NR2F1: variants seen among roughly 807,000 people sequenced by gnomAD.
The protein encoded by NR2F1 is nuclear receptor subfamily 2 group F member 1.
NR2F1 carries 1 observed loss-of-function variant against 37.7 expected under a neutral mutation model. The observed-to-expected ratio is 0.03, with a 90% CI of 0.01 to 0.13. NR2F1 has a LOEUF of 0.13. NR2F1 is among the 10% of genes least tolerant of loss of function. The probability of loss-of-function intolerance (pLI) is 1.00; values close to 1 mark genes in which losing one functional copy is unlikely to be tolerated. For missense variants in NR2F1, 268 were observed against 578.4 expected, an observed-to-expected ratio of 0.46 and a Z score of 5.50; for synonymous variants, 275 against 259.6, an observed-to-expected ratio of 1.06 and a Z score of -0.57.
intron 2 of NR2F1, among the ~76,000 whole-genome samples, chr5:93,588,689 G>GCCTAGTCGCCCGGA (rs1391459472): frequency 6.6e-6 from 1 of 151,280 alleles, no homozygotes; most frequent in Non-Finnish European, 1.5e-5. Flanking sequence ...GGGCGGCCGG[G>GCCTAGTCGCCCGGA]CCTAGTCGCC....
chr5:93,588,803 G>A (rs1561525380), intron 2 of NR2F1, among the ~76,000 whole-genome samples: 3 of 151,780 alleles, frequency 2.0e-5, no homozygotes, highest in Admixed American at 6.5e-5. Flanking sequence ...GTGTGTGTGT[G>A]TGTGTGTGTC....
chr5:93,586,813 A>G (rs1294068034), intron 1 of NR2F1, among the ~76,000 whole-genome samples: 1 of 152,196 alleles, frequency 6.6e-6, no homozygotes, highest in Non-Finnish European at 1.5e-5. Flanking sequence ...TATTCTAGGC[A>G]TTATGTTTCA....
intron 2 of NR2F1, among the ~76,000 whole-genome samples, chr5:93,589,306 A>T (rs951315141): frequency 1.3e-5 from 2 of 152,248 alleles, no homozygotes; most frequent in Non-Finnish European, 2.9e-5. Flanking sequence ...GTTCAAATTA[A>T]CTTCCAGAAA....
intron 1 of NR2F1, among the ~76,000 whole-genome samples, chr5:93,586,223 AT>A (rs909937296): frequency 2.6e-5 from 4 of 151,884 alleles, no homozygotes; most frequent in South Asian, 2.1e-4. Flanking sequence ...TAGTTGTGTC[AT>A]TTTTTTTAAA....
rs1753263502 is a variant in NR2F1, at chr5:93,588,098, C to G, written c.645C>G (p.Gly215=). ...GCATGCAGCCCAACAACATTATGGG[C>G]ATCGAGAACATCTGCGAGCTGGCCG... ...SQCMQPNNIM[G]IENICELAAR... The change falls in exon 2 of 3, where the codon GGC becomes GGG. Residue 215 remains glycine, a synonymous_variant. Coordinates refer to ENST00000327111, the MANE Select transcript of NR2F1 (RefSeq NM_005654.6). 6.2e-7 allele frequency: 1 copy of G among 1,614,064 alleles called. No homozygotes were observed. Among genetic ancestry groups the G allele is most frequent in the Non-Finnish European group, 8.5e-7 (1 of 1,180,042 alleles).
In NR2F1 at chr5:93,584,014, T is replaced by G. The variant is rs1753176334; in HGVS notation, c.-1010T>G. 1.3e-5 allele frequency: 2 copies of G among 151,686 alleles called. No individual in the cohort carries two copies. The highest frequency in any genetic ancestry group is 4.2e-4 in the South Asian group (2 of 4,798). The allele number at this position is 151,686 out of a possible 1,614,324, so 9.4% of individuals were successfully genotyped here. ...CTGCCTCCCGCTCTCCAGCGCTGCC[T>G]TCCTGAATGGCTGGCTGCGTCCGGC... On this transcript the variant is annotated 5_prime_UTR_variant, in exon 1 of 3. Coordinates refer to ENST00000327111, the MANE Select transcript of NR2F1 (RefSeq NM_005654.6).
At chr5:93,590,344 A>T (rs1561525939) in intron 2 of NR2F1, among the ~76,000 whole-genome samples, 1 of 152,028 alleles carries the variant, frequency 6.6e-6, no homozygotes, top group Non-Finnish European at 1.5e-5. Context: ...TGCTAATCTC[A>T]TGCCCTTTCC....
chr5:93,586,458 C>CA (rs1753236131), intron 1 of NR2F1, among the ~76,000 whole-genome samples: 1 of 151,966 alleles, frequency 6.6e-6, no homozygotes, highest in Non-Finnish European at 1.5e-5. Context: ...GCTTCATGTT[C>CA]ATGTGGCAAG....
chr5:93,587,531 G>A lies in NR2F1; in HGVS notation c.464-386G>A, dbSNP rs140300181. 544 of 196,374 alleles carry A rather than the reference G, an allele frequency of 2.8e-3. 3 individuals are homozygous for A. The highest frequency in any genetic ancestry group is 1.8e-3 in the Non-Finnish European group (175 of 98,644). 12.2% of individuals were successfully genotyped at this position (196,374 alleles called of 1,614,324 possible). A position where few individuals can be genotyped will look rare whatever the true frequency, so the allele number is the denominator to read the frequency against. Reference sequence around the variant, plus strand: ...AGAACCACAACCTTTCTCCGGTTTCGCCTTTTTTTAACCCTGATTTTTTTT... The same window carrying A: ...AGAACCACAACCTTTCTCCGGTTTCACCTTTTTTTAACCCTGATTTTTTTT... On this transcript the variant is annotated intron_variant, in intron 1 of 2. Coordinates refer to ENST00000327111, the MANE Select transcript of NR2F1 (RefSeq NM_005654.6).
Position 93,588,230 on chromosome 5 carries a change from G to A in NR2F1, c.777G>A (p.Leu259=). Residue 259 remains leucine, a synonymous_variant, in exon 2 of 3, where the codon CTG becomes CTA. Transcript: ENST00000327111. ...VSLLRLTWSE[L]FVLNAAQCSM... ...TGCTACGCCTCACCTGGAGCGAGCT[G>A]TTCGTGCTCAACGCGGCCCAGTGCT... 6.2e-7 allele frequency: 1 copy of A among 1,613,974 alleles called. No individual in the cohort carries two copies. Among genetic ancestry groups the A allele is most frequent in the Non-Finnish European group, 8.5e-7 (1 of 1,179,992 alleles).
At position 93,587,803 on chromosome 5, in the gene NR2F1, G is replaced by A. The variant is rs1251053091; in HGVS notation, c.464-114G>A. On this transcript the variant is annotated intron_variant, in intron 1 of 2. Transcript: ENST00000327111. ...AGAGCGAGCCGGAGAAGATGCGCGG[G>A]GCGCGTGTGGCTGCGGGAAGAGCTT... is the stretch of plus-strand genomic sequence containing the variant. 3.6e-6 allele frequency: 4 copies of A among 1,125,570 alleles called. No individual in the cohort carries two copies. The African/African-American group carries it at 4.7e-5, about 13-fold the overall frequency. 69.7% of individuals were successfully genotyped at this position (1,125,570 alleles called of 1,614,324 possible). A position where few individuals can be genotyped will look rare whatever the true frequency, so the allele number is the denominator to read the frequency against.
intron 1 of NR2F1, 108 bp from the exon 2 acceptor site, chr5:93,587,809 T>C: frequency 8.3e-7 from 1 of 1,200,960 alleles, no homozygotes; most frequent in Non-Finnish European, 1.2e-6. Context: ...GCGGGGCGCG[T>C]GTGGCTGCGG....
intron 2 of NR2F1, among the ~76,000 whole-genome samples, chr5:93,590,323 C>T (rs1580361610): frequency 6.6e-6 from 1 of 152,166 alleles, no homozygotes; most frequent in South Asian, 2.1e-4. Context: ...TTCTTTGAAC[C>T]CCCTTGACTT....
chr5:93,591,043 A>G (rs749254695), intron 2 of NR2F1, among the ~76,000 whole-genome samples: 8 of 152,220 alleles, frequency 5.3e-5, no homozygotes, highest in Non-Finnish European at 8.8e-5. Flanking sequence ...GATTACATCT[A>G]TATTTCCTGA....
At chr5:93,588,621 C>T (rs1183245374) in intron 2 of NR2F1, among the ~76,000 whole-genome samples, 177 bp downstream of exon 2, 2 of 149,770 alleles carry the variant, frequency 1.3e-5, no homozygotes, top group South Asian at 4.1e-4. Flanking sequence ...CTGGCCGCGC[C>T]GCTGCCATCT....
Position 93,593,782 on chromosome 5 carries a change from C to G in NR2F1, c.1212C>G (p.Arg404=). Residue 404 remains arginine (R), a synonymous_variant, in exon 3 of 3, where the codon CGC becomes CGG. Transcript: ENST00000327111. The surrounding 1 kb of genome is among the most constrained non-coding windows in gnomAD (Gnocchi z 5.6). Reference sequence around the variant, plus strand: ...AAACCCCCATCGAAACTCTCATCCGCGATATGTTACTGTCTGGGAGCAGCT... The same window carrying G: ...AAACCCCCATCGAAACTCTCATCCGGGATATGTTACTGTCTGGGAGCAGCT... ...VGKTPIETLI[R]DMLLSGSSFN... is the part of the protein sequence containing the mutation. The G allele has an allele frequency of 6.2e-7, 1 of 1,614,176 alleles. No individual in the cohort carries two copies. Among genetic ancestry groups the G allele is most frequent in the Non-Finnish European group, 8.5e-7 (1 of 1,180,036 alleles).
Position 93,584,620 on chromosome 5 carries a change from G to C in NR2F1, c.-404G>C, listed in dbSNP as rs745337451. 7 of 148,758 alleles carry C rather than the reference G, an allele frequency of 4.7e-5. No individual in the cohort carries two copies. Among genetic ancestry groups the C allele is most frequent in the South Asian group, 2.1e-4 (1 of 4,820 alleles). The allele number at this position is 148,758 out of a possible 1,614,324, so 9.2% of individuals were successfully genotyped here. A position where few individuals can be genotyped will look rare whatever the true frequency, so the allele number is the denominator to read the frequency against. On this transcript the variant is annotated 5_prime_UTR_variant, in exon 1 of 3. Coordinates refer to ENST00000327111, the MANE Select transcript of NR2F1 (RefSeq NM_005654.6). ...GCGAGAGAAGGGAGCTTGCTCGCCGGGGGGTGGGGAGGGGGGAAGGAGAGC... is the reference window on the plus strand; with the variant it reads ...GCGAGAGAAGGGAGCTTGCTCGCCGCGGGGTGGGGAGGGGGGAAGGAGAGC...
Position 93,587,825 on chromosome 5 carries a change from G to A in NR2F1, c.464-92G>A. 2.2e-6 allele frequency: 3 copies of A among 1,334,074 alleles called. No individual in the cohort carries two copies. In the South Asian group the frequency reaches 4.2e-5, roughly 19 times the overall value. 82.6% of individuals were successfully genotyped at this position (1,334,074 alleles called of 1,614,324 possible). On this transcript the variant is annotated intron_variant, in intron 1 of 2. Transcript: ENST00000327111. The stretch of plus-strand genomic sequence containing the variant: ...CGGGGCGCGTGTGGCTGCGGGAAGA[G>A]CTTCTGCATTGTGTTGGGTACGCTG...
At chr5:93,586,914 G>C (rs1445514155) in intron 1 of NR2F1, among the ~76,000 whole-genome samples, 1 of 152,038 alleles carries the variant, frequency 6.6e-6, no homozygotes, top group Non-Finnish European at 1.5e-5. Flanking sequence ...ATAGCTACAT[G>C]TACATGAACA....
Sources: allele counts gnomAD v4.1 joint callset (sites outside exome capture counted in the v4.1 genomes callset), GRCh38; gene constraint gnomAD v4.1.1; non-coding constraint Gnocchi (gnomAD v3.1); transcripts MANE v1.5; gene names NCBI Gene and HGNC (gene_info 2026-07-23, HGNC 2026-07-21).